CCDC34: variants seen among roughly 807,000 people sequenced by gnomAD.
CCDC34 encodes coiled-coil domain containing 34.
Under a neutral mutation model 44.1 loss-of-function variants are expected in CCDC34, and 40 were observed. The ratio of observed to expected loss-of-function variants is 0.91; its 90% CI spans 0.70 to 1.18. The LOEUF is 1.18. Among genes scored for constraint, CCDC34 ranks in the 50% most tolerant of loss-of-function variants. The pLI is 0.00. For missense variants in CCDC34, 466 were observed against 452.3 expected (o/e 1.03, Z -0.28); for synonymous variants, 159 against 158.2 (o/e 1.01, Z -0.04).
intron 3 of CCDC34, among the ~76,000 whole-genome samples, chr11:27,342,350 T>TATATATATGTATATGTAA (rs1862373915): frequency 1.3e-5 from 1 of 78,810 alleles, no homozygotes; most frequent in African/African-American, 3.7e-5. Context: ...TAAATATATG[T>TATATATATGTATATGTAA]ATATATATGT....
chr11:27,340,722 T>C lies in CCDC34; in HGVS notation c.881A>G (p.Tyr294Cys), dbSNP rs756563281. ...KHKPRPAAKSYGYANGKLTGF... is the reference protein window; with the variant it reads ...KHKPRPAAKSCGYANGKLTGF... ...TGTAAGTTTTCCATTGGCATAACCA[T>C]AGCTCTTTGCAGCTGGACGAGGTTT... Residue 294 changes from tyrosine (Y) to cysteine (C), a missense_variant, in exon 5 of 6, where the codon TAT becomes TGT. Coordinates refer to ENST00000328697, the MANE Select transcript of CCDC34 (RefSeq NM_030771.2). 18 of 1,613,370 alleles carry C rather than the reference T, an allele frequency of 1.1e-5. No individual in the cohort carries two copies. Among genetic ancestry groups the C allele is most frequent in the Non-Finnish European group, 1.4e-5 (17 of 1,179,660 alleles).
At chr11:27,359,063 AACC>A (rs1168772426) in intron 1 of CCDC34, among the ~76,000 whole-genome samples, 5 of 150,244 alleles carry the variant, frequency 3.3e-5, no homozygotes, top group Non-Finnish European at 7.4e-5. Flanking sequence ...CCAACCTTAC[AACC>A]ACCATCTGGA....
chr11:27,363,151 T>C lies in CCDC34; in HGVS notation c.44A>G (p.Tyr15Cys). The change falls in exon 1 of 6, where the codon TAC (tyrosine) becomes TGC (cysteine). Residue 15 changes from tyrosine to cysteine, a missense_variant. Transcript: ENST00000328697. ...GRWGPTFPSS[Y>C]AGFSADCRPR... The stretch of plus-strand genomic sequence containing the variant: ...TCTGCAGTCAGCAGAGAAACCGGCG[T>C]AGGAAGAGGGAAAAGTAGGCCCCCA... 6.6e-7 allele frequency: 1 copy of C among 1,518,176 alleles called. No homozygotes were observed. Among genetic ancestry groups the C allele is most frequent in the Non-Finnish European group, 8.8e-7 (1 of 1,137,176 alleles). The allele number at this position is 1,518,176 out of a possible 1,614,324, so 94.0% of individuals were successfully genotyped here.
chr11:27,362,112 G>A (rs1378159637), intron 1 of CCDC34, among the ~76,000 whole-genome samples: 4 of 152,218 alleles, frequency 2.6e-5, no homozygotes, highest in East Asian at 1.9e-4. Flanking sequence ...TGTAAAATAA[G>A]TGGATTGATT....
chr11:27,352,463 A>G (rs1862516340), intron 2 of CCDC34, among the ~76,000 whole-genome samples: 1 of 152,038 alleles, frequency 6.6e-6, no homozygotes, highest in Non-Finnish European at 1.5e-5. Context: ...ATATATATAC[A>G]TGTACACATA....
chr11:27,358,713 C>T (rs1046199160), intron 1 of CCDC34, among the ~76,000 whole-genome samples: 1 of 152,100 alleles, frequency 6.6e-6, no homozygotes, highest in African/African-American at 2.4e-5. Context: ...ATCAGTAATT[C>T]CAGGCCAGAC....
chr11:27,357,221 TG>T (rs1862590975), intron 2 of CCDC34, among the ~76,000 whole-genome samples, 181 bp downstream of exon 2: 1 of 152,198 alleles, frequency 6.6e-6, no homozygotes, highest in Non-Finnish European at 1.5e-5. Flanking sequence ...ATTTTCCAAA[TG>T]CTCTAACAAT....
intron 2 of CCDC34, among the ~76,000 whole-genome samples, chr11:27,351,684 T>C (rs1305252717): frequency 6.6e-6 from 1 of 152,198 alleles, no homozygotes; most frequent in Non-Finnish European, 1.5e-5. Context: ...TGATTTTCTA[T>C]ACACTAAAGA....
At chr11:27,362,472 C>T (rs943859249) in intron 1 of CCDC34, among the ~76,000 whole-genome samples, 3 of 152,182 alleles carry the variant, frequency 2.0e-5, no homozygotes, top group Non-Finnish European at 4.4e-5. Flanking sequence ...CAGTAAACCA[C>T]GTTCTGGTGT....
intron 3 of CCDC34, among the ~76,000 whole-genome samples, chr11:27,347,283 G>A (rs2133342236): frequency 6.6e-6 from 1 of 152,250 alleles, no homozygotes; most frequent in South Asian, 2.1e-4. Context: ...AATGGTACAT[G>A]TACTTTAGAC....
rs984876321 is a variant in CCDC34, at chr11:27,338,747, C to G, written c.*74G>C. ...ATCACATTAAGTGTTGAGTTATTGA[C>G]TGAGCAGTAAAAAACAATTTCTGAT... On this transcript the variant is annotated 3_prime_UTR_variant, in exon 6 of 6. Transcript: ENST00000328697. 3 of 1,219,216 alleles carry G rather than the reference C, an allele frequency of 2.5e-6. No individual in the cohort carries two copies. The highest frequency in any genetic ancestry group is 3.6e-6 in the Non-Finnish European group (3 of 838,002). The allele number at this position is 1,219,216 out of a possible 1,614,324, so 75.5% of individuals were successfully genotyped here.
At chr11:27,349,082 C>T (rs938366732) in intron 3 of CCDC34, 7 of 984,910 alleles carry the variant, frequency 7.1e-6, no homozygotes, top group African/African-American at 7.0e-5. Flanking sequence ...CAAACAACAA[C>T]TAGGTTTGAT....
chr11:27,343,136 C>A (rs1426013391), intron 3 of CCDC34, among the ~76,000 whole-genome samples: 1 of 152,176 alleles, frequency 6.6e-6, no homozygotes, highest in Admixed American at 6.5e-5. Flanking sequence ...CATGGTCGTT[C>A]ATGCCTGTAA....
chr11:27,345,265 G>A (rs913798185), intron 3 of CCDC34, among the ~76,000 whole-genome samples: 2 of 151,940 alleles, frequency 1.3e-5, no homozygotes, highest in East Asian at 3.9e-4. Context: ...ACCCTCTTGT[G>A]GTGGGCAAAC....
chr11:27,338,678 C>T lies in CCDC34; in HGVS notation c.*143G>A. ...AATCCAGAAAATATCTTCCTCAACTCTAAGGACTCCATATACAAATGCAAA... is the reference window on the plus strand; with the variant it reads ...AATCCAGAAAATATCTTCCTCAACTTTAAGGACTCCATATACAAATGCAAA... On this transcript the variant is annotated 3_prime_UTR_variant, in exon 6 of 6. Transcript: ENST00000328697. 1 of 675,846 alleles carries T rather than the reference C, an allele frequency of 1.5e-6. No individual in the cohort carries two copies. The highest frequency in any genetic ancestry group is 2.5e-6 in the Non-Finnish European group (1 of 404,342). The allele number at this position is 675,846 out of a possible 1,614,324, so 41.9% of individuals were successfully genotyped here.
intron 5 of CCDC34, 41 bp downstream of exon 5, chr11:27,340,655 G>A: frequency 6.5e-7 from 1 of 1,546,136 alleles, no homozygotes; most frequent in South Asian, 1.3e-5. Flanking sequence ...ATTTGCTTCT[G>A]CAAACCATAT....
intron 3 of CCDC34, 32 bp from the exon 4 acceptor site, chr11:27,341,582 A>AT (rs1419029488): frequency 1.0e-6 from 1 of 996,394 alleles, no homozygotes; most frequent in East Asian, 2.8e-5. Flanking sequence ...TTTAATTGTA[A>AT]TACCAGTAAT....
At chr11:27,355,795 G>A (rs1862566280) in intron 2 of CCDC34, among the ~76,000 whole-genome samples, 1 of 152,012 alleles carries the variant, frequency 6.6e-6, no homozygotes, top group Non-Finnish European at 1.5e-5. Flanking sequence ...CTCTCACAGC[G>A]CACTTTTCCA....
At chr11:27,340,545 A>G in intron 5 of CCDC34, 151 bp downstream of exon 5, 1 of 767,194 alleles carries the variant, frequency 1.3e-6, no homozygotes, top group Non-Finnish European at 1.9e-6. Flanking sequence ...TAGCATCTCC[A>G]TAGGAACATG....
Sources: allele counts gnomAD v4.1 joint callset (sites outside exome capture counted in the v4.1 genomes callset), GRCh38; gene constraint gnomAD v4.1.1; transcripts MANE v1.5; gene names NCBI Gene and HGNC (gene_info 2026-07-23, HGNC 2026-07-21).